Variants in MORC2 observed in about 807,000 individuals in gnomAD.
MORC2 encodes MORC family CW-type zinc finger 2, also known as ATPase MORC2.
In MORC2, 30 loss-of-function variants were observed where a neutral mutation model predicts 136.0. The ratio of observed to expected loss-of-function variants is 0.22; its 90% CI spans 0.17 to 0.30. The LOEUF (loss-of-function observed/expected upper bound fraction) is 0.30. MORC2 is among the 10% of genes least tolerant of loss of function. The pLI, the probability that MORC2 is intolerant of heterozygous loss-of-function variation, is 1.00. For missense variants in MORC2, 922 were observed against 1,333.1 expected (o/e 0.69, Z 4.80); for synonymous variants, 439 against 487.0 (o/e 0.90, Z 1.30).
At position 30,937,484 on chromosome 22, in the gene MORC2, C is replaced by T. The variant is rs2040671035; in HGVS notation, c.1498+99G>A. The T allele has an allele frequency of 1.3e-6, 2 of 1,526,622 alleles. No homozygotes were observed. Among genetic ancestry groups the T allele is most frequent in the African/African-American group, 2.8e-5 (2 of 72,462 alleles). 94.6% of individuals were successfully genotyped at this position (1,526,622 alleles called of 1,614,324 possible). The stretch of plus-strand genomic sequence containing the variant: ...TTGGATCCCTAGGGGACTGTAAGTC[C>T]ATGAATGTCAGTCAAGTTAGGAGGC... On this transcript the variant is annotated intron_variant, in intron 15 of 25. Coordinates refer to ENST00000397641, the MANE Select transcript of MORC2 (RefSeq NM_001303256.3). The surrounding 1 kb of genome is among the most constrained non-coding windows in gnomAD (Gnocchi z 4.7).
At chr22:30,967,144 C>T in intron 1 of MORC2, 2 of 985,360 alleles carry the variant, frequency 2.0e-6, no homozygotes, top group Non-Finnish European at 2.4e-6. Flanking sequence ...AGAGAGTGGG[C>T]ATATGGATTA....
chr22:30,956,230 T>C (rs556267540), intron 3 of MORC2, among the ~76,000 whole-genome samples: 11 of 152,226 alleles, frequency 7.2e-5, no homozygotes, highest in East Asian at 3.9e-4. Flanking sequence ...AAATAGGATG[T>C]TGACAGGTGT....
intron 20 of MORC2, 136 bp downstream of exon 20, chr22:30,933,923 GT>G: frequency 9.7e-7 from 1 of 1,032,074 alleles, no homozygotes; most frequent in Non-Finnish European, 1.4e-6. Context: ...CAGACTGCTG[GT>G]GGGGGGGGTA....
At chr22:30,966,596 G>C (rs1270676577) in intron 1 of MORC2, among the ~76,000 whole-genome samples, 3 of 152,064 alleles carry the variant, frequency 2.0e-5, no homozygotes, top group African/African-American at 7.2e-5. Context: ...CCAACATATA[G>C]TGAAACCCCG....
chr22:30,935,033 G>A lies in MORC2; in HGVS notation c.1941C>T (p.Ile647=). 1.2e-6 allele frequency: 2 copies of A among 1,614,100 alleles called. No homozygotes were observed. Among genetic ancestry groups the A allele is most frequent in the Non-Finnish European group, 1.7e-6 (2 of 1,180,026 alleles). Residue 647 remains isoleucine (I), a synonymous_variant, in exon 19 of 26, where the codon ATC becomes ATT. Coordinates refer to ENST00000397641, the MANE Select transcript of MORC2 (RefSeq NM_001303256.3). The stretch of plus-strand genomic sequence containing the variant: ...AAGCAGGGAGCTTTGGGGTACTGCT[G>A]ATGACAGGAGCCTTTCGGGGCTGGC... ...PASQPRKAPV[I]SSTPKLPALA...
intron 12 of MORC2, among the ~76,000 whole-genome samples, chr22:30,938,608 C>T (rs970162817): frequency 3.9e-5 from 6 of 152,130 alleles, no homozygotes; most frequent in African/African-American, 1.2e-4. Flanking sequence ...CTTGCTCTGT[C>T]GCCCAGGCTG....
At chr22:30,953,591 C>G (rs1032267076) in intron 3 of MORC2, among the ~76,000 whole-genome samples, 5 of 152,236 alleles carry the variant, frequency 3.3e-5, no homozygotes, top group Admixed American at 2.6e-4. Context: ...CTTCATCATA[C>G]TCTGCAATCT....
chr22:30,927,601 C>A (rs2040506648), intron 25 of MORC2, among the ~76,000 whole-genome samples: 1 of 152,190 alleles, frequency 6.6e-6, no homozygotes, highest in Admixed American at 6.5e-5. Flanking sequence ...AGAGCAGGAA[C>A]CTTCTCTGGC....
rs775429252 is a variant in MORC2, at chr22:30,949,836, G to A, written c.233C>T (p.Ala78Val). 2 of 1,614,094 alleles carry A rather than the reference G, an allele frequency of 1.2e-6. No individual in the cohort carries two copies. Among genetic ancestry groups the A allele is most frequent in the South Asian group, 1.1e-5 (1 of 91,084 alleles). Residue 78 changes from alanine to valine, a missense_variant, in exon 5 of 26, where the codon GCT becomes GTT. By Grantham distance (64) the Ala-to-Val change is moderately conservative. Coordinates refer to ENST00000397641, the MANE Select transcript of MORC2 (RefSeq NM_001303256.3). Reference sequence around the variant, plus strand: ...CTTCCCAAACTGGATCACACTGGCAGCATCACCTGAAAGGGCAGACACAAG... The same window carrying A: ...CTTCCCAAACTGGATCACACTGGCAACATCACCTGAAAGGGCAGACACAAG... ...DDGAGMDPSDAASVIQFGKSA... is the reference protein window; with the variant it reads ...DDGAGMDPSDVASVIQFGKSA...
intron 10 of MORC2, 148 bp downstream of exon 10, chr22:30,940,610 G>A: frequency 1.4e-6 from 1 of 697,226 alleles, no homozygotes; most frequent in Non-Finnish European, 2.6e-6. Context: ...TGTAGTGAAA[G>A]GGGCTGCAAA....
chr22:30,940,492 G>C (rs1311370387), intron 10 of MORC2, among the ~76,000 whole-genome samples: 1 of 152,116 alleles, frequency 6.6e-6, no homozygotes, highest in East Asian at 1.9e-4. Flanking sequence ...AGAACTCAGT[G>C]GGATTCTTCA....
intron 11 of MORC2, 38 bp downstream of exon 11, chr22:30,939,921 G>A: frequency 6.3e-7 from 1 of 1,599,180 alleles, no homozygotes; most frequent in Non-Finnish European, 8.5e-7. Flanking sequence ...CCTAGTGCCA[G>A]AAACGCTGGA....
chr22:30,933,908 T>C (rs921554922), intron 20 of MORC2, 152 bp downstream of exon 20: 21 of 879,144 alleles, frequency 2.4e-5, no homozygotes, highest in Non-Finnish European at 3.3e-5. Context: ...TAAACAGAGT[T>C]GGTGCAGACT....
chr22:30,933,432 C>G lies in MORC2; in HGVS notation c.2380+34G>C, dbSNP rs368262705. 389 of 1,610,602 alleles carry G rather than the reference C, an allele frequency of 2.4e-4. No individual in the cohort carries two copies. Among genetic ancestry groups the G allele is most frequent in the Admixed American group, 8.5e-4 (51 of 59,708 alleles). On this transcript the variant is annotated intron_variant, in intron 21 of 25. Coordinates refer to ENST00000397641, the MANE Select transcript of MORC2 (RefSeq NM_001303256.3). Reference sequence around the variant, plus strand: ...CCACTTCCACTCCCACTCCCACCCCCGCCACAGGCTGCCAAGTCACTCCCC... The same window carrying G: ...CCACTTCCACTCCCACTCCCACCCCGGCCACAGGCTGCCAAGTCACTCCCC...
chr22:30,950,353 C>CCACAA, intron 4 of MORC2, 24 bp downstream of exon 4: 2 of 1,481,956 alleles, frequency 1.3e-6, no homozygotes, highest in Non-Finnish European at 1.9e-6. Flanking sequence ...CCCCACCCCC[C>CCACAA]AAAACAATAA....
chr22:30,967,474 C>T (rs1032579034), intron 1 of MORC2: 27 of 1,042,886 alleles, frequency 2.6e-5, no homozygotes, highest in East Asian at 9.0e-5. Flanking sequence ...AGAGGGGAAA[C>T]GGTTGATACT....
chr22:30,928,190 T>C lies in MORC2; in HGVS notation c.2859A>G (p.Gln953=). 2 of 1,614,112 alleles carry C rather than the reference T, an allele frequency of 1.2e-6. No homozygotes were observed. The highest frequency in any genetic ancestry group is 1.7e-6 in the Non-Finnish European group (2 of 1,180,002). ...ISFPLKEYFK[Q]YEVGLQNLCN... is the part of the protein sequence containing the mutation. ...ACAGGTTTTGGAGCCCTACTTCATA[T>C]TGCTTGAAGTACTCCTTCTGTTGGG... Residue 953 remains glutamine (Q), a synonymous_variant, in exon 25 of 26, where the codon CAA becomes CAG. Coordinates refer to ENST00000397641, the MANE Select transcript of MORC2 (RefSeq NM_001303256.3).
Position 30,926,718 on chromosome 22 carries a change from C to A in MORC2, c.*85G>T. 8.8e-7 allele frequency: 1 copy of A among 1,131,970 alleles called. No individual in the cohort carries two copies. Among genetic ancestry groups the A allele is most frequent in the Non-Finnish European group, 1.3e-6 (1 of 773,184 alleles). 70.1% of individuals were successfully genotyped at this position (1,131,970 alleles called of 1,614,324 possible). ...CGTGTAAGTCAAACCAAGGTGCGAC[C>A]ACCAACCCATGAATGAAGTCCCCTC... On this transcript the variant is annotated 3_prime_UTR_variant, in exon 26 of 26. Coordinates refer to ENST00000397641, the MANE Select transcript of MORC2 (RefSeq NM_001303256.3).
intron 20 of MORC2, 88 bp downstream of exon 20, chr22:30,933,972 A>C: frequency 1.3e-6 from 2 of 1,521,230 alleles, no homozygotes; most frequent in Non-Finnish European, 1.8e-6. Flanking sequence ...GGTGGATGGT[A>C]TAGACTGCTG....
Sources: allele counts gnomAD v4.1 joint callset (sites outside exome capture counted in the v4.1 genomes callset), GRCh38; gene constraint gnomAD v4.1.1; non-coding constraint Gnocchi (gnomAD v3.1); transcripts MANE v1.5; gene names NCBI Gene and HGNC (gene_info 2026-07-23, HGNC 2026-07-21).